The following HOMER2 variants were observed in gnomAD, a reference collection of about 807,000 sequenced individuals.
The protein encoded by HOMER2 is homer protein homolog 2.
HOMER2 carries 27 observed loss-of-function variants against 47.0 expected under a neutral mutation model. The observed-to-expected ratio is 0.57, with a 90% confidence interval of 0.42 to 0.79. The LOEUF (loss-of-function observed/expected upper bound fraction) is 0.79, where lower values mean the gene tolerates loss of function less well. HOMER2 is among the 30% of genes least tolerant of loss of function. HOMER2 has a pLI of 0.00. For missense variants in HOMER2, 443 were observed against 435.0 expected (o/e 1.02, Z -0.16); for synonymous variants, 161 against 163.8 (o/e 0.98, Z 0.13).
At chr15:82,902,972 G>A (rs2053169810) in intron 1 of HOMER2, among the ~76,000 whole-genome samples, 1 of 152,184 alleles carries the variant, frequency 6.6e-6, no homozygotes, top group Non-Finnish European at 1.5e-5. Flanking sequence ...CCACCTAAGA[G>A]TCTGTTATAT....
At chr15:82,906,816 A>G (rs1391216515) in intron 1 of HOMER2, among the ~76,000 whole-genome samples, 1 of 152,218 alleles carries the variant, frequency 6.6e-6, no homozygotes, top group Admixed American at 6.5e-5. Flanking sequence ...AACACTAGTC[A>G]AAAGACAGCA....
intron 1 of HOMER2, among the ~76,000 whole-genome samples, chr15:82,984,448 C>T (rs1213010417): frequency 1.3e-5 from 2 of 152,222 alleles, no homozygotes; most frequent in Non-Finnish European, 2.9e-5. Context: ...GTTAATGTTT[C>T]TAAAACATTA....
At chr15:82,896,790 T>G (rs985906415) in intron 1 of HOMER2, among the ~76,000 whole-genome samples, 4 of 152,172 alleles carry the variant, frequency 2.6e-5, no homozygotes, top group Admixed American at 6.5e-5. Flanking sequence ...AATAACCAAG[T>G]CTGGGGGCAC....
chr15:82,896,192 G>T (rs532219599), intron 1 of HOMER2, among the ~76,000 whole-genome samples: 41 of 152,248 alleles, frequency 2.7e-4, no homozygotes, highest in African/African-American at 9.6e-4. Context: ...GGGTGGAGAT[G>T]AGTGCGGCCT....
intron 8 of HOMER2, among the ~76,000 whole-genome samples, chr15:82,850,651 T>C (rs1375523181): frequency 6.6e-6 from 1 of 152,212 alleles, no homozygotes; most frequent in Non-Finnish European, 1.5e-5. Flanking sequence ...TCCAGGGTCA[T>C]GTAACTACAT....
intron 5 of HOMER2, among the ~76,000 whole-genome samples, chr15:82,856,597 TCA>T (rs1338128102): frequency 6.6e-6 from 1 of 152,044 alleles, no homozygotes; most frequent in Admixed American, 6.6e-5. Context: ...ACAGCTGGGA[TCA>T]CAGAGACTCT....
chr15:82,976,241 T>C (rs1267121330), intron 1 of HOMER2, among the ~76,000 whole-genome samples: 1 of 152,050 alleles, frequency 6.6e-6, no homozygotes, highest in African/African-American at 2.4e-5. Flanking sequence ...CTTATATATC[T>C]AGTTGCAATT....
At chr15:82,936,084 T>G (rs549495111) in intron 1 of HOMER2, among the ~76,000 whole-genome samples, 20 of 152,366 alleles carry the variant, frequency 1.3e-4, no homozygotes, top group African/African-American at 4.6e-4. Flanking sequence ...CCTCACTTGC[T>G]GCAATCCTGC....
In HOMER2 at chr15:82,907,456, AGAAG is replaced by A. The variant is rs1184288455; in HGVS notation, c.6-14619_6-14616del. Among the ~76,000 whole-genome samples, 6 of 151,642 alleles carry A rather than the reference AGAAG, an allele frequency of 4.0e-5. No individual in the cohort carries two copies. In the East Asian group the frequency reaches 5.8e-4, roughly 15 times the overall value. On this transcript the variant is annotated intron_variant, in intron 1 of 8. Transcript: ENST00000450735. ...GAAAGAAAGAAAGAAAGAGAAAGAA[AGAAG>A]GAAGGAAGGAGAAAGGAAGGAAAGA...
intron 1 of HOMER2, among the ~76,000 whole-genome samples, chr15:82,949,411 G>C (rs1290741782): frequency 2.0e-5 from 3 of 152,156 alleles, no homozygotes; most frequent in Non-Finnish European, 4.4e-5. Flanking sequence ...CAGAGGAGCT[G>C]AGAGGGGTGT....
chr15:82,869,455 T>TTTTC (rs1426180316), intron 3 of HOMER2, among the ~76,000 whole-genome samples: 1 of 127,146 alleles, frequency 7.9e-6, no homozygotes, highest in Non-Finnish European at 1.7e-5. Context: ...AACATCTTTT[T>TTTTC]TTTTTTTTTT....
intron 1 of HOMER2, among the ~76,000 whole-genome samples, chr15:82,952,247 A>T (rs905918687): frequency 6.6e-6 from 1 of 152,220 alleles, no homozygotes; most frequent in African/African-American, 2.4e-5. Context: ...GAGGCCGGCC[A>T]GGGCACCGGT....
intron 1 of HOMER2, among the ~76,000 whole-genome samples, chr15:82,903,183 C>T (rs553858672): frequency 6.6e-6 from 1 of 152,116 alleles, no homozygotes; most frequent in African/African-American, 2.4e-5. Context: ...CATCCAGGCA[C>T]CTGGAGATGA....
chr15:82,845,975 A>C (rs1330993100), downstream of HOMER2: 1 of 152,286 alleles, frequency 6.6e-6, no homozygotes, highest in African/African-American at 2.4e-5. Context: ...GCGCCTGCCC[A>C]CCACCATCAA....
chr15:82,911,986 C>T (rs1055498757), intron 1 of HOMER2, among the ~76,000 whole-genome samples: 5 of 152,120 alleles, frequency 3.3e-5, no homozygotes, highest in African/African-American at 1.2e-4. Flanking sequence ...GCCAAGATCG[C>T]ACCACTGCAC....
intron 4 of HOMER2, among the ~76,000 whole-genome samples, chr15:82,859,735 G>A (rs931012057): frequency 2.0e-5 from 3 of 152,250 alleles, no homozygotes; most frequent in African/African-American, 4.8e-5. Context: ...GTCATACCAC[G>A]TAGAGGTGAA....
intron 1 of HOMER2, among the ~76,000 whole-genome samples, chr15:82,936,208 G>A (rs1218957112): frequency 2.6e-5 from 4 of 152,064 alleles, no homozygotes; most frequent in Non-Finnish European, 4.4e-5. Flanking sequence ...CTGCACATGC[G>A]GTAGCAGCCT....
chr15:82,899,818 T>C (rs1054878493), intron 1 of HOMER2, among the ~76,000 whole-genome samples: 2 of 152,008 alleles, frequency 1.3e-5, no homozygotes, highest in Non-Finnish European at 1.5e-5. Flanking sequence ...AGGTCAGGAG[T>C]TTGAGACCAC....
chr15:82,834,803 G>A (rs116102405), downstream of HOMER2: 3 of 152,184 alleles, frequency 2.0e-5, no homozygotes, highest in Admixed American at 1.3e-4. Flanking sequence ...TTCCGTGTCC[G>A]GGTGGGCTGA....
Sources: allele counts gnomAD v4.1 joint callset (sites outside exome capture counted in the v4.1 genomes callset), GRCh38; gene constraint gnomAD v4.1.1; transcripts MANE v1.5; gene names NCBI Gene and HGNC (gene_info 2026-07-23, HGNC 2026-07-21).